The following LOC128462377 variants were observed in gnomAD, a reference collection of about 807,000 sequenced individuals.
At chr16:89,383,591 G>A in the LOC128462377 span, among the ~76,000 whole-genome samples, 3,218 of 152,268 alleles carry the variant, frequency 0.021, 126 homozygotes, top group African/African-American at 0.074. Flanking sequence ...GGCCAAAGCC[G>A]AAGAGCCTCC....
chr16:89,374,259 A>G, the LOC128462377 span, among the ~76,000 whole-genome samples: 4 of 152,200 alleles, frequency 2.6e-5, no homozygotes, highest in African/African-American at 9.6e-5. Context: ...ATGCTTATTG[A>G]ACCTAGTAAT....
At chr16:89,381,814 T>C in the LOC128462377 span, among the ~76,000 whole-genome samples, 1 of 152,032 alleles carries the variant, frequency 6.6e-6, no homozygotes, top group Non-Finnish European at 1.5e-5. Context: ...CCCACGCGAA[T>C]GGGGGGAAGA....
At chr16:89,408,051 C>G in the LOC128462377 span, among the ~76,000 whole-genome samples, 3 of 152,116 alleles carry the variant, frequency 2.0e-5, no homozygotes, top group African/African-American at 7.2e-5. Flanking sequence ...TGCCCCTGCC[C>G]TCAAGCTGGT....
the LOC128462377 span, among the ~76,000 whole-genome samples, chr16:89,408,270 G>A: frequency 3.5e-4 from 53 of 152,386 alleles, no homozygotes; most frequent in African/African-American, 1.1e-3. Context: ...CCCTAGAGAA[G>A]TGGCAGCCCT....
chr16:89,403,448 C>G, the LOC128462377 span, among the ~76,000 whole-genome samples: 1 of 152,116 alleles, frequency 6.6e-6, no homozygotes, highest in African/African-American at 2.4e-5. Context: ...GAGGAAGTTT[C>G]TCAGTAAGCG....
the LOC128462377 span, among the ~76,000 whole-genome samples, chr16:89,342,835 G>A: frequency 1.6e-4 from 25 of 152,298 alleles, no homozygotes; most frequent in African/African-American, 5.8e-4. Context: ...TGTTCCCTCA[G>A]AGTGCCTTTC....
the LOC128462377 span, among the ~76,000 whole-genome samples, chr16:89,368,778 C>T: frequency 1.1e-3 from 163 of 152,116 alleles, no homozygotes; most frequent in African/African-American, 3.4e-3. Context: ...TGGTGGTGCA[C>T]GCCTGTGGTT....
chr16:89,406,733 T>C, the LOC128462377 span, among the ~76,000 whole-genome samples: 1 of 152,164 alleles, frequency 6.6e-6, no homozygotes, highest in Non-Finnish European at 1.5e-5. Flanking sequence ...AGTGCCTCCT[T>C]CACGCTGATA....
the LOC128462377 span, among the ~76,000 whole-genome samples, chr16:89,327,329 C>T: frequency 1.3e-5 from 2 of 152,164 alleles, no homozygotes; most frequent in Admixed American, 1.3e-4. Context: ...ACGATAAAGG[C>T]CAACTACCAA....
the LOC128462377 span, among the ~76,000 whole-genome samples, chr16:89,394,487 G>A: frequency 2.0e-5 from 3 of 152,160 alleles, no homozygotes; most frequent in Admixed American, 6.5e-5. Context: ...AATTAGCTGT[G>A]CGTGGTGGCA....
At chr16:89,377,061 C>A in the LOC128462377 span, among the ~76,000 whole-genome samples, 1 of 152,210 alleles carries the variant, frequency 6.6e-6, no homozygotes, top group Non-Finnish European at 1.5e-5. Context: ...AAGTACCTTG[C>A]CTTGCCAGTA....
At chr16:89,353,966 A>G in the LOC128462377 span, among the ~76,000 whole-genome samples, 3 of 152,164 alleles carry the variant, frequency 2.0e-5, no homozygotes, top group South Asian at 6.2e-4. Context: ...ATAAAGGCGG[A>G]GCTGGCTTCC....
At chr16:89,327,051 G>T in the LOC128462377 span, among the ~76,000 whole-genome samples, 438 of 150,598 alleles carry the variant, frequency 2.9e-3, 4 homozygotes, top group Middle Eastern at 0.014. Context: ...ATGCAGAGGT[G>T]GGAAATGCAG....
chr16:89,349,708 C>T, the LOC128462377 span, among the ~76,000 whole-genome samples: 4 of 152,054 alleles, frequency 2.6e-5, no homozygotes, highest in Admixed American at 1.3e-4. Flanking sequence ...AGAAAACTTG[C>T]TCTACGATGC....
At chr16:89,386,665 TC>T in the LOC128462377 span, among the ~76,000 whole-genome samples, 1 of 152,220 alleles carries the variant, frequency 6.6e-6, no homozygotes, top group Non-Finnish European at 1.5e-5. Flanking sequence ...GAAACTTGAC[TC>T]CCTTACCTTC....
the LOC128462377 span, among the ~76,000 whole-genome samples, chr16:89,367,340 C>T: frequency 1.6e-4 from 24 of 152,334 alleles, no homozygotes; most frequent in African/African-American, 5.8e-4. Flanking sequence ...AGCACAGTGG[C>T]GGCGCCCAGA....
chr16:89,371,448 C>T, the LOC128462377 span, among the ~76,000 whole-genome samples: 531 of 152,370 alleles, frequency 3.5e-3, 2 homozygotes, highest in African/African-American at 0.012. Context: ...GCCAGAGCCA[C>T]AGAAGGGGCC....
the LOC128462377 span, among the ~76,000 whole-genome samples, chr16:89,376,823 G>C: frequency 9.2e-5 from 14 of 152,218 alleles, no homozygotes; most frequent in Non-Finnish European, 1.6e-4. Flanking sequence ...GTAAGAAAGA[G>C]AAGCGAGCAC....
chr16:89,404,934 G>A, the LOC128462377 span, among the ~76,000 whole-genome samples: 4 of 152,188 alleles, frequency 2.6e-5, no homozygotes, highest in Non-Finnish European at 4.4e-5. Flanking sequence ...GACAAACATC[G>A]TGTCCACAGA....
Sources: gnomAD v4.1 joint callset for allele counts (sites outside exome capture counted in the v4.1 genomes callset) on GRCh38, gnomAD v4.1.1 for gene constraint, MANE v1.5 for transcripts.